KCNMA1: variants seen among roughly 807,000 people sequenced by gnomAD.
KCNMA1 encodes the protein Calcium-activated potassium channel subunit alpha-1.
KCNMA1 carries 29 observed loss-of-function variants against 140.0 expected under a neutral mutation model. The ratio of observed to expected loss-of-function variants is 0.21; its 90% confidence interval spans 0.15 to 0.28. KCNMA1 has a LOEUF of 0.28. KCNMA1 is among the 10% of genes least tolerant of loss of function. KCNMA1 has a pLI of 1.00. For synonymous variants in KCNMA1, 612 were observed against 611.9 expected, an observed-to-expected ratio of 1.00 and a Z score of 0.00; for missense variants, 880 against 1,602.2, an observed-to-expected ratio of 0.55 and a Z score of 7.70.
intron 5 of KCNMA1, among the ~76,000 whole-genome samples, chr10:77,180,106 G>A (rs1428045609): frequency 6.6e-6 from 1 of 152,190 alleles, no homozygotes; most frequent in Non-Finnish European, 1.5e-5. Flanking sequence ...ACCCTCAGCA[G>A]GGCCAGGAAA....
intron 1 of KCNMA1, among the ~76,000 whole-genome samples, chr10:77,575,196 T>A (rs1015248749): frequency 1.3e-5 from 2 of 152,032 alleles, no homozygotes; most frequent in Non-Finnish European, 2.9e-5. Flanking sequence ...GCCCCACCGT[T>A]CCAATGCTAG....
At chr10:76,909,932 C>G (rs1226286417) in intron 25 of KCNMA1, 34 bp downstream of exon 25, 3 of 1,608,022 alleles carry the variant, frequency 1.9e-6, no homozygotes, top group African/African-American at 1.3e-5. Context: ...CATCCTCCAC[C>G]CTTGAGTGAG....
At chr10:77,449,187 C>T (rs1294845602) in intron 1 of KCNMA1, among the ~76,000 whole-genome samples, 1 of 151,484 alleles carries the variant, frequency 6.6e-6, no homozygotes, top group Admixed American at 6.6e-5. Flanking sequence ...TAAGCAGAGA[C>T]ACCAAATTAT....
chr10:76,995,479 A>G (rs1303822702), intron 19 of KCNMA1: 2 of 447,992 alleles, frequency 4.5e-6, no homozygotes, highest in African/African-American at 4.1e-5. Context: ...CTTGTTCATC[A>G]GTACTTTATT....
intron 14 of KCNMA1, among the ~76,000 whole-genome samples, chr10:77,057,731 T>A (rs1392636423): frequency 6.6e-6 from 1 of 151,726 alleles, no homozygotes; most frequent in Admixed American, 6.6e-5. Flanking sequence ...ATCAATTTTT[T>A]AAAAACTATA....
At chr10:76,990,983 G>A (rs879699651) in intron 19 of KCNMA1, among the ~76,000 whole-genome samples, 18 of 152,188 alleles carry the variant, frequency 1.2e-4, no homozygotes, top group Non-Finnish European at 2.5e-4. Flanking sequence ...CTCCACGCGG[G>A]AGGAATCATT....
intron 2 of KCNMA1, among the ~76,000 whole-genome samples, chr10:77,256,116 C>T (rs577609528): frequency 2.0e-5 from 3 of 152,126 alleles, no homozygotes; most frequent in Non-Finnish European, 4.4e-5. Flanking sequence ...ACTATTCCCC[C>T]TCAGGTGATG....
intron 9 of KCNMA1, among the ~76,000 whole-genome samples, chr10:77,104,948 G>C (rs936671484): frequency 2.6e-5 from 4 of 152,162 alleles, no homozygotes; most frequent in African/African-American, 9.7e-5. Context: ...CAGTGGCCTT[G>C]GGAGGCAGGC....
chr10:76,935,641 A>G (rs1907730), intron 23 of KCNMA1, among the ~76,000 whole-genome samples: 113,384 of 152,158 alleles, frequency 0.75, 43,446 homozygotes, highest in African/African-American at 0.88. Flanking sequence ...TTTCTTAAAA[A>G]AGGCATTAAC....
chr10:76,891,065 G>A (rs576709456), intron 26 of KCNMA1, among the ~76,000 whole-genome samples: 13 of 152,324 alleles, frequency 8.5e-5, no homozygotes, highest in African/African-American at 2.9e-4. Flanking sequence ...TGCTATTAAT[G>A]TATAGTTGGG....
chr10:77,049,306 G>T (rs1229814794), intron 14 of KCNMA1, among the ~76,000 whole-genome samples: 2 of 152,100 alleles, frequency 1.3e-5, no homozygotes, highest in African/African-American at 4.8e-5. Context: ...CCAATGTGCT[G>T]TGCTGTCCCT....
chr10:77,366,389 A>T (rs1373333962), intron 2 of KCNMA1, among the ~76,000 whole-genome samples: 2 of 152,070 alleles, frequency 1.3e-5, no homozygotes, highest in African/African-American at 4.8e-5. Flanking sequence ...GGCTGGTCTC[A>T]AACTCCTGAC....
chr10:77,131,476 CAG>C (rs1325010672), intron 5 of KCNMA1, among the ~76,000 whole-genome samples: 1 of 152,108 alleles, frequency 6.6e-6, no homozygotes. Context: ...AGGCCTGACA[CAG>C]AGTCATTCTA....
intron 20 of KCNMA1, among the ~76,000 whole-genome samples, chr10:76,964,431 G>A (rs1188343955): frequency 6.6e-6 from 1 of 152,134 alleles, no homozygotes; most frequent in Non-Finnish European, 1.5e-5. Context: ...TGACACAAGA[G>A]GGCAAGGTCA....
At chr10:77,345,608 G>A (rs1178406279) in intron 2 of KCNMA1, among the ~76,000 whole-genome samples, 1 of 152,216 alleles carries the variant, frequency 6.6e-6, no homozygotes, top group African/African-American at 2.4e-5. Context: ...AAGGAAGAAA[G>A]TGTTTTTCCT....
chr10:77,138,473 A>C (rs1245864305), intron 5 of KCNMA1, among the ~76,000 whole-genome samples: 1 of 151,994 alleles, frequency 6.6e-6, no homozygotes, highest in Non-Finnish European at 1.5e-5. Context: ...TTCCCTCTCC[A>C]CTGCCAGAAC....
intron 1 of KCNMA1, among the ~76,000 whole-genome samples, chr10:77,409,705 G>A (rs2096575986): frequency 6.6e-6 from 1 of 152,144 alleles, no homozygotes; most frequent in Non-Finnish European, 1.5e-5. Flanking sequence ...CTAATCCTAG[G>A]ACCCCACAGC....
chr10:77,027,789 G>T (rs763317968), intron 16 of KCNMA1, 34 bp downstream of exon 16: 3 of 1,581,204 alleles, frequency 1.9e-6, no homozygotes, highest in Admixed American at 1.7e-5. Context: ...ACCATCAAAA[G>T]TGTCAGCTGG....
intron 2 of KCNMA1, among the ~76,000 whole-genome samples, chr10:77,321,130 G>C (rs2154354834): frequency 6.6e-6 from 1 of 152,304 alleles, no homozygotes; most frequent in African/African-American, 2.4e-5. Context: ...CAACTTCTGG[G>C]AATGATGTAT....
Sources: gnomAD v4.1 joint callset for allele counts (sites outside exome capture counted in the v4.1 genomes callset) on GRCh38, gnomAD v4.1.1 for gene constraint, MANE v1.5 for transcripts, NCBI Gene and HGNC (gene_info 2026-07-23, HGNC 2026-07-21) for gene names.